The following PCDHGB3 variants were observed in gnomAD, a reference collection of about 807,000 sequenced individuals.
The protein encoded by PCDHGB3 is protocadherin gamma-B3.
In PCDHGB3, 40 loss-of-function variants were observed where a neutral mutation model predicts 59.2. That is an observed-to-expected ratio of 0.68 (90% CI 0.52 to 0.88). The LOEUF is 0.88. Ranked by LOEUF, PCDHGB3 falls within the 40% of genes least tolerant of loss-of-function variation. The probability of loss-of-function intolerance (pLI) is 0.00; values close to 1 mark genes in which losing one functional copy is unlikely to be tolerated. For missense variants in PCDHGB3, 1,309 were observed against 1,187.9 expected (o/e 1.10, Z -1.50); for synonymous variants, 581 against 503.6 (o/e 1.15, Z -2.06).
chr5:141,478,164 C>A (rs202185809), intron 1 of PCDHGB3: 2 of 1,614,010 alleles, frequency 1.2e-6, no homozygotes, highest in African/African-American at 1.3e-5. Context: ...GGCTCTGCCC[C>A]CCGGGAGCAG....
chr5:141,375,599 T>A (rs1352335566), intron 1 of PCDHGB3: 1 of 1,614,126 alleles, frequency 6.2e-7, no homozygotes, highest in East Asian at 2.2e-5. Context: ...CTCCTACGTG[T>A]CCATCAACTC....
rs758417744 is a variant in PCDHGB3, at chr5:141,430,916, G to A, written c.2415+58107G>A. On this transcript the variant is annotated intron_variant, in intron 1 of 3. Coordinates refer to ENST00000576222, the MANE Select transcript of PCDHGB3 (RefSeq NM_018924.5). ...GGTGGGCGACATCTCCAGGGACCTG[G>A]GGCTGGAGCCCCGGGAGCTCGCGGA... The A allele has an allele frequency of 1.9e-6, 3 of 1,607,878 alleles. No individual in the cohort carries two copies. The East Asian group carries it at 6.7e-5, about 36-fold the overall frequency.
intron 1 of PCDHGB3, chr5:141,440,587 A>G (rs566819394): frequency 1.3e-5 from 2 of 152,392 alleles, no homozygotes; most frequent in East Asian, 3.9e-4. Flanking sequence ...CCCAGCTGGA[A>G]CAAGATTTGC....
At position 141,373,653 on chromosome 5, in the gene PCDHGB3, A is replaced by T. The variant is rs149501628; in HGVS notation, c.2415+844A>T. Among the ~76,000 whole-genome samples, 35 of 152,376 alleles carry T rather than the reference A, an allele frequency of 2.3e-4. No individual in the cohort carries two copies. In the East Asian group the frequency reaches 6.4e-3, roughly 28 times the overall value. On this transcript the variant is annotated intron_variant, in intron 1 of 3. Transcript: ENST00000576222. The stretch of plus-strand genomic sequence containing the variant: ...TTTCTGTTCCCCAAGGTCCTAAGAG[A>T]TATTTTCATAAAAATGAATGGTAAA...
intron 1 of PCDHGB3, among the ~76,000 whole-genome samples, chr5:141,469,914 C>T (rs1451982311): frequency 6.6e-6 from 1 of 152,082 alleles, no homozygotes. Flanking sequence ...GCAGACCACC[C>T]GAGGTCAGGA....
At chr5:141,413,597 A>C in intron 1 of PCDHGB3, 2 of 1,613,888 alleles carry the variant, frequency 1.2e-6, no homozygotes, top group Non-Finnish European at 8.5e-7. Context: ...CAAGCAGAAA[A>C]TCTAGACGTA....
chr5:141,388,708 C>A lies in PCDHGB3; in HGVS notation c.2415+15899C>A, dbSNP rs764003797. On this transcript the variant is annotated intron_variant, in intron 1 of 3. Transcript: ENST00000576222. ...ACGGACCAGGATGAGGGTGTCAATG[C>A]CGAGATTACTTTCTCTTTCAGTGAA... 1.9e-6 allele frequency: 3 copies of A among 1,613,842 alleles called. No individual in the cohort carries two copies. The highest frequency in any genetic ancestry group is 2.5e-6 in the Non-Finnish European group (3 of 1,179,882).
Position 141,510,974 on chromosome 5 carries a change from G to T in PCDHGB3, c.2591G>T (p.Gly864Val). The T allele has an allele frequency of 6.2e-7, 1 of 1,614,150 alleles. No homozygotes were observed. The highest frequency in any genetic ancestry group is 1.1e-5 in the South Asian group (1 of 91,088). ...SEAADGSSTL[G>V]GGAGTMGLSA... ...GCTGCTGATGGGAGCTCCACCCTGG[G>T]AGGGGGTGCCGGCACCATGGGATTG... is the stretch of plus-strand genomic sequence containing the variant. The change falls in exon 4 of 4, where the codon GGA becomes GTA. Residue 864 changes from glycine (G) to valine (V), a missense_variant. Physicochemically the swap from Gly to Val is moderately radical, Grantham distance 109. Transcript: ENST00000576222.
At chr5:141,398,396 T>A (rs1191920974) in intron 1 of PCDHGB3, 1 of 1,465,660 alleles carries the variant, frequency 6.8e-7, no homozygotes, top group South Asian at 1.2e-5. Flanking sequence ...AGCAGCAGGC[T>A]AGACAGGGAG....
chr5:141,503,212 C>G (rs1227936455), intron 2 of PCDHGB3, among the ~76,000 whole-genome samples: 1 of 152,074 alleles, frequency 6.6e-6, no homozygotes, highest in African/African-American at 2.4e-5. Flanking sequence ...CAGTGCCCAC[C>G]ATGAGCACCG....
At chr5:141,484,931 A>ACGTT (rs1464416110) in intron 1 of PCDHGB3, 2 of 498,000 alleles carry the variant, frequency 4.0e-6, no homozygotes, top group Non-Finnish European at 7.2e-6. Flanking sequence ...TGCTGTTGGG[A>ACGTT]CGTTCTCTGC....
In PCDHGB3 at chr5:141,399,858, T is replaced by G. The variant is rs1003401029; in HGVS notation, c.2415+27049T>G. On this transcript the variant is annotated intron_variant, in intron 1 of 3. Transcript: ENST00000576222. The stretch of plus-strand genomic sequence containing the variant: ...CGCTCTTCGATATGGTGCCGCGCGC[T>G]GCAGAGCCCGGCTACCTGGTGACCA... The G allele has an allele frequency of 3.7e-6, 6 of 1,612,764 alleles. No individual in the cohort carries two copies. In the African/African-American group the frequency reaches 6.7e-5, roughly 18 times the overall value.
chr5:141,409,735 C>G lies in PCDHGB3; in HGVS notation c.2415+36926C>G, dbSNP rs763035733. Reference sequence around the variant, plus strand: ...CATACGTGTCAGTGAGCGCGCAGAGCGGGGTGGTGTTCGCGCAGCGCGCCT... The same window carrying G: ...CATACGTGTCAGTGAGCGCGCAGAGGGGGGTGGTGTTCGCGCAGCGCGCCT... On this transcript the variant is annotated intron_variant, in intron 1 of 3. Transcript: ENST00000576222. The G allele has an allele frequency of 3.7e-6, 6 of 1,613,006 alleles. No homozygotes were observed. The African/African-American group carries it at 8.0e-5, about 22-fold the overall frequency.
At chr5:141,386,203 G>A (rs2090496623) in intron 1 of PCDHGB3, among the ~76,000 whole-genome samples, 1 of 152,140 alleles carries the variant, frequency 6.6e-6, no homozygotes, top group Non-Finnish European at 1.5e-5. Flanking sequence ...TAGACCAGTA[G>A]TTGATTTTAT....
chr5:141,419,651 TC>T, intron 1 of PCDHGB3: 28 of 1,612,632 alleles, frequency 1.7e-5, no homozygotes, highest in Non-Finnish European at 2.3e-5. Flanking sequence ...GGACGCGGAC[TC>T]GGGGCACAAT....
Position 141,424,520 on chromosome 5 carries a change from A to T in PCDHGB3, c.2415+51711A>T, listed in dbSNP as rs527395935. ...GTATGGAAGGTTTTTTAATGTAGTA[A>T]ATCCATATATAGAAATAACTTGATT... is the stretch of plus-strand genomic sequence containing the variant. On this transcript the variant is annotated intron_variant, in intron 1 of 3. Coordinates refer to ENST00000576222, the MANE Select transcript of PCDHGB3 (RefSeq NM_018924.5). 15 of 152,286 alleles carry T rather than the reference A, an allele frequency of 9.8e-5. No individual in the cohort carries two copies. In the East Asian group the frequency reaches 2.9e-3, roughly 29 times the overall value. The allele number at this position is 152,286 out of a possible 1,614,324, so 9.4% of individuals were successfully genotyped here. A position where few individuals can be genotyped will look rare whatever the true frequency, so the allele number is the denominator to read the frequency against.
intron 1 of PCDHGB3, among the ~76,000 whole-genome samples, chr5:141,439,208 C>A: frequency 6.6e-6 from 1 of 151,294 alleles, no homozygotes. Flanking sequence ...AAAAAAAATC[C>A]ATATGTGAAA....
At chr5:141,473,907 C>A (rs552055360) in intron 1 of PCDHGB3, among the ~76,000 whole-genome samples, 1 of 152,102 alleles carries the variant, frequency 6.6e-6, no homozygotes. Flanking sequence ...ATGAAGAGGT[C>A]TTAAGAAAAC....
chr5:141,473,798 T>C lies in PCDHGB3; in HGVS notation c.2416-21009T>C, dbSNP rs1202883137. 2.6e-5 allele frequency among the ~76,000 whole-genome samples: 4 copies of C among 152,350 alleles called. 1 individual carries two copies. The highest frequency in any genetic ancestry group is 6.8e-3 in the Middle Eastern group (2 of 294). On this transcript the variant is annotated intron_variant, in intron 1 of 3. Transcript: ENST00000576222. ...TTTTAATTCAAGAGCAGTATGATGCTACTGAGGAGCAGCTGGACAATTGTG... is the reference window on the plus strand; with the variant it reads ...TTTTAATTCAAGAGCAGTATGATGCCACTGAGGAGCAGCTGGACAATTGTG...
Sources: allele counts gnomAD v4.1 joint callset (sites outside exome capture counted in the v4.1 genomes callset), GRCh38; gene constraint gnomAD v4.1.1; transcripts MANE v1.5; gene names NCBI Gene and HGNC (gene_info 2026-07-23, HGNC 2026-07-21).